The following ZC2HC1B variants were observed in gnomAD, a reference collection of about 807,000 sequenced individuals.
ZC2HC1B encodes zinc finger C2HC domain-containing protein 1B.
A neutral mutation model predicts 31.0 loss-of-function variants in ZC2HC1B; 36 were observed. The observed-to-expected ratio is 1.16, with a 90% confidence interval of 0.89 to 1.54. The LOEUF is 1.54. Ranked by LOEUF, ZC2HC1B falls within the 40% of genes most tolerant of loss-of-function variation. The pLI is 0.00. For synonymous variants in ZC2HC1B, 73 were observed against 88.0 expected (o/e 0.83, Z 0.95); for missense variants, 260 against 268.6 (o/e 0.97, Z 0.22).
intron 1 of ZC2HC1B, among the ~76,000 whole-genome samples, chr6:143,882,318 A>G (rs923551775): frequency 8.5e-6 from 1 of 117,090 alleles, no homozygotes; most frequent in African/African-American, 3.3e-5. Flanking sequence ...AAATATGTAT[A>G]CATATTTTAT....
At chr6:143,866,535 T>C (rs1322365188) in intron 1 of ZC2HC1B, among the ~76,000 whole-genome samples, 1 of 152,160 alleles carries the variant, frequency 6.6e-6, no homozygotes, top group African/African-American at 2.4e-5. Flanking sequence ...AGTTGAGGAC[T>C]GTCTGTTACT....
Position 143,925,165 on chromosome 6 carries a change from C to CTTTTT in ZC2HC1B, c.599-12460_599-12456dup, listed in dbSNP as rs71024879. Among the ~76,000 whole-genome samples the CTTTTT allele has an allele frequency of 6.7e-5, 7 of 104,190 alleles. 1 individual carries two copies. The highest frequency in any genetic ancestry group is 1.2e-4 in the African/African-American group (3 of 25,266). 68.4% of individuals were successfully genotyped at this position (104,190 alleles called of 152,430 possible). A position where few individuals can be genotyped will look rare whatever the true frequency, so the allele number is the denominator to read the frequency against. ...TTTTATTACTGATTCAATCTCATTCCTTTTTTTTTTTTTTTTTTTTTTTTT... is the reference window on the plus strand; with the variant it reads ...TTTTATTACTGATTCAATCTCATTCCTTTTTTTTTTTTTTTTTTTTTTTTTTTTTT... On this transcript the variant is annotated intron_variant, in intron 6 of 7. Coordinates refer to ENST00000237275, the MANE Select transcript of ZC2HC1B (RefSeq NM_001013623.3).
chr6:143,921,111 G>A lies in ZC2HC1B; in HGVS notation c.599-16538G>A, dbSNP rs1777982462. ...ACTCCTGTCTCATGACCTTTGTACT[G>A]GCTGCCCCCTCTGCTGAAAACAAAA... On this transcript the variant is annotated intron_variant, in intron 6 of 7. Coordinates refer to ENST00000237275, the MANE Select transcript of ZC2HC1B (RefSeq NM_001013623.3). The surrounding 1 kb of genome is among the most constrained non-coding windows in gnomAD (Gnocchi z 6.1). Among the ~76,000 whole-genome samples the A allele has an allele frequency of 6.6e-6, 1 of 151,962 alleles. No homozygotes were observed. Among genetic ancestry groups the A allele is most frequent in the South Asian group, 2.1e-4 (1 of 4,808 alleles).
At chr6:143,927,127 C>T (rs1778062986) in intron 6 of ZC2HC1B, among the ~76,000 whole-genome samples, 2 of 151,888 alleles carry the variant, frequency 1.3e-5, no homozygotes, top group African/African-American at 4.8e-5. Context: ...GAACGAATCC[C>T]TTTATCATTA....
intron 6 of ZC2HC1B, among the ~76,000 whole-genome samples, chr6:143,931,189 G>A (rs1377544599): frequency 6.6e-6 from 1 of 152,016 alleles, no homozygotes; most frequent in African/African-American, 2.4e-5. Context: ...TTAAGTCTAT[G>A]TGAGTCTTTA....
At position 143,876,441 on chromosome 6, in the gene ZC2HC1B, G is replaced by C. The variant is rs112111913; in HGVS notation, c.29-7863G>C. 7.2e-4 allele frequency among the ~76,000 whole-genome samples: 108 copies of C among 150,324 alleles called. 8 individuals are homozygous for C. The highest frequency in any genetic ancestry group is 2.6e-3 in the African/African-American group (104 of 40,736). On this transcript the variant is annotated intron_variant, in intron 1 of 7. Transcript: ENST00000237275. Reference sequence around the variant, plus strand: ...TCATGCCAAAGTCTATCAGTGTTCTGCATACTATTAGAAGTAGAGTCATTA... The same window carrying C: ...TCATGCCAAAGTCTATCAGTGTTCTCCATACTATTAGAAGTAGAGTCATTA...
chr6:143,873,370 A>G (rs998436790), intron 1 of ZC2HC1B, among the ~76,000 whole-genome samples: 3 of 152,152 alleles, frequency 2.0e-5, no homozygotes, highest in Admixed American at 2.0e-4. Flanking sequence ...TTGAGTGTCC[A>G]TGGCTTTTCG....
At chr6:143,866,126 G>A (rs1306241840) in intron 1 of ZC2HC1B, among the ~76,000 whole-genome samples, 2 of 152,168 alleles carry the variant, frequency 1.3e-5, no homozygotes, top group African/African-American at 2.4e-5. Flanking sequence ...CACCTATTTT[G>A]TTTAAGCACT....
rs75231260 is a variant in ZC2HC1B at position 143,922,442 on chromosome 6, G to A, written c.599-15207G>A. The stretch of plus-strand genomic sequence containing the variant: ...TATTCTTTCTATCTAACTGTATTTC[G>A]TACCTACTAACCAACCTCTCCACCA... On this transcript the variant is annotated intron_variant, in intron 6 of 7. Transcript: ENST00000237275. This position sits in a 1 kb window ranked among gnomAD's most constrained non-coding sequence, Gnocchi z 5.0. Among the ~76,000 whole-genome samples, 232 of 152,004 alleles carry A rather than the reference G, an allele frequency of 1.5e-3. 5 individuals carry two copies. In the East Asian group the frequency reaches 0.034, roughly 22 times the overall value.
chr6:143,925,357 A>G (rs190447437), intron 6 of ZC2HC1B, among the ~76,000 whole-genome samples: 47 of 150,180 alleles, frequency 3.1e-4, no homozygotes, highest in Non-Finnish European at 6.5e-4. Flanking sequence ...TTGTATTTTT[A>G]GTAGAGACGG....
Position 143,932,210 on chromosome 6 carries a change from G to A in ZC2HC1B, c.599-5439G>A, listed in dbSNP as rs527397916. ...TCATATTTAGATGTCTAGATCTCTA[G>A]TGAGCTCAGGGAAGTTTTCCTCAAT... On this transcript the variant is annotated intron_variant, in intron 6 of 7. Coordinates refer to ENST00000237275, the MANE Select transcript of ZC2HC1B (RefSeq NM_001013623.3). 5.3e-5 allele frequency among the ~76,000 whole-genome samples: 8 copies of A among 152,212 alleles called. No homozygotes were observed. The East Asian group carries it at 1.2e-3, about 22-fold the overall frequency.
chr6:143,877,067 T>C lies in ZC2HC1B; in HGVS notation c.29-7237T>C, dbSNP rs555193171. ...TTATGTCCTTCTTTTTTGGAAATAATTAAAAATTATTTTTATTCTCTTCCT... is the reference window on the plus strand; with the variant it reads ...TTATGTCCTTCTTTTTTGGAAATAACTAAAAATTATTTTTATTCTCTTCCT... On this transcript the variant is annotated intron_variant, in intron 1 of 7. Transcript: ENST00000237275. Among the ~76,000 whole-genome samples the C allele has an allele frequency of 3.2e-3, 488 of 150,298 alleles. 25 individuals are homozygous for C. Among genetic ancestry groups the C allele is most frequent in the Middle Eastern group, 0.01 (3 of 294 alleles).
At position 143,895,517 on chromosome 6, in the gene ZC2HC1B, A is replaced by G. The variant is rs1489272513; in HGVS notation, c.350-3035A>G. Among the ~76,000 whole-genome samples the G allele has an allele frequency of 3.9e-5, 6 of 152,152 alleles. No individual in the cohort carries two copies. The highest frequency in any genetic ancestry group is 8.8e-5 in the Non-Finnish European group (6 of 68,018). The stretch of plus-strand genomic sequence containing the variant: ...AGAGTTATATATAACATGGCCTAAC[A>G]TGCATGAATGTGCCAGTAATTTCCC... On this transcript the variant is annotated intron_variant, in intron 4 of 7. Coordinates refer to ENST00000237275, the MANE Select transcript of ZC2HC1B (RefSeq NM_001013623.3). This position sits in a 1 kb window ranked among gnomAD's most constrained non-coding sequence, Gnocchi z 4.8.
intron 1 of ZC2HC1B, among the ~76,000 whole-genome samples, chr6:143,876,754 G>A (rs1777412232): frequency 6.6e-6 from 1 of 150,696 alleles, no homozygotes; most frequent in African/African-American, 2.4e-5. Context: ...GAAGAACTTG[G>A]AGTCTGATGT....
chr6:143,926,885 G>A (rs952141009), intron 6 of ZC2HC1B, among the ~76,000 whole-genome samples: 14 of 119,726 alleles, frequency 1.2e-4, no homozygotes, highest in South Asian at 3.0e-4. Flanking sequence ...CGCCCAGGCC[G>A]CTGCAAGCTC....
In ZC2HC1B at chr6:143,922,885, G is replaced by C. The variant is rs1777998619; in HGVS notation, c.599-14764G>C. Among the ~76,000 whole-genome samples, 1 of 152,080 alleles carries C rather than the reference G, an allele frequency of 6.6e-6. No homozygotes were observed. Among genetic ancestry groups the C allele is most frequent in the African/African-American group, 2.4e-5 (1 of 41,404 alleles). ...TAAATACCCAAGAGTGAGATTACTA[G>C]ATTTTGTGTTAGTTGTATTGTTAGT... On this transcript the variant is annotated intron_variant, in intron 6 of 7. Transcript: ENST00000237275. The surrounding 1 kb of genome is among the most constrained non-coding windows in gnomAD (Gnocchi z 5.0).
chr6:143,886,042 G>A lies in ZC2HC1B; in HGVS notation c.101G>A (p.Gly34Glu), dbSNP rs1360995578. Residue 34 changes from glycine (G) to glutamate (E), a missense_variant, in exon 3 of 8, where the codon GGA (glycine) becomes GAA (glutamate). By Grantham distance (98) the Gly-to-Glu change is moderately conservative. Coordinates refer to ENST00000237275, the MANE Select transcript of ZC2HC1B (RefSeq NM_001013623.3). This position sits in a 1 kb window ranked among gnomAD's most constrained non-coding sequence, Gnocchi z 4.2. ...RFAADVLERH[G>E]PICKKLFNRK... ...CTCTTCGTTTTCTAGGAAAGGCATGGACCAATATGTAAGAAACTCTTCAAC... is the reference window on the plus strand; with the variant it reads ...CTCTTCGTTTTCTAGGAAAGGCATGAACCAATATGTAAGAAACTCTTCAAC... 5.9e-6 allele frequency: 9 copies of A among 1,533,408 alleles called. No homozygotes were observed. Among genetic ancestry groups the A allele is most frequent in the Non-Finnish European group, 7.9e-6 (9 of 1,141,608 alleles). The allele number at this position is 1,533,408 out of a possible 1,614,324, so 95.0% of individuals were successfully genotyped here.
At position 143,924,275 on chromosome 6, in the gene ZC2HC1B, T is replaced by C. The variant is rs1258051361; in HGVS notation, c.599-13374T>C. 2.0e-5 allele frequency among the ~76,000 whole-genome samples: 3 copies of C among 152,056 alleles called. No individual in the cohort carries two copies. Among genetic ancestry groups the C allele is most frequent in the Non-Finnish European group, 1.5e-5 (1 of 67,944 alleles). On this transcript the variant is annotated intron_variant, in intron 6 of 7. Coordinates refer to ENST00000237275, the MANE Select transcript of ZC2HC1B (RefSeq NM_001013623.3). This position sits in a 1 kb window ranked among gnomAD's most constrained non-coding sequence, Gnocchi z 5.2. ...CACATAGAAATGCTGCTGATTTTTA[T>C]ATGTTGATTTTGTATCCTGCAATTT...
At position 143,886,210 on chromosome 6, in the gene ZC2HC1B, T is replaced by A. The variant is rs1446435776; in HGVS notation, c.210+59T>A. ...ACATTCTGCGGTACTGTAAGGCCTA[T>A]TTCTGGGATTTCTGGTTTCATTTTT... On this transcript the variant is annotated intron_variant, in intron 3 of 7. Coordinates refer to ENST00000237275, the MANE Select transcript of ZC2HC1B (RefSeq NM_001013623.3). This position sits in a 1 kb window ranked among gnomAD's most constrained non-coding sequence, Gnocchi z 4.2. 2.2e-6 allele frequency: 3 copies of A among 1,373,098 alleles called. No homozygotes were observed. The highest frequency in any genetic ancestry group is 2.8e-6 in the Non-Finnish European group (3 of 1,060,416). The allele number at this position is 1,373,098 out of a possible 1,614,324, so 85.1% of individuals were successfully genotyped here.
Sources: allele counts gnomAD v4.1 joint callset (sites outside exome capture counted in the v4.1 genomes callset), GRCh38; gene constraint gnomAD v4.1.1; non-coding constraint Gnocchi (gnomAD v3.1); transcripts MANE v1.5; gene names NCBI Gene and HGNC (gene_info 2026-07-23, HGNC 2026-07-21).